Variants in DPP6 observed in about 807,000 individuals in gnomAD.
DPP6 encodes dipeptidyl peptidase like 6.
DPP6 carries 69 observed loss-of-function variants against 122.6 expected under a neutral mutation model. The observed-to-expected ratio is 0.56, with a 90% CI of 0.46 to 0.69. DPP6 has a LOEUF of 0.69. Among genes scored for constraint, DPP6 ranks in the 30% least tolerant of loss-of-function variants. The pLI, the probability that DPP6 is intolerant of heterozygous loss-of-function variation, is 0.00. For missense variants in DPP6, 928 were observed against 1,116.9 expected, an observed-to-expected ratio of 0.83 and a Z score of 2.41; for synonymous variants, 418 against 433.1, an observed-to-expected ratio of 0.97 and a Z score of 0.43.
At chr7:154,869,081 G>A (rs548335803) in intron 18 of DPP6, among the ~76,000 whole-genome samples, 32 of 152,334 alleles carry the variant, frequency 2.1e-4, no homozygotes, top group Non-Finnish European at 4.0e-4. Context: ...GGTTTCCAGA[G>A]CTCGGCGGAA....
At chr7:154,593,480 T>C (rs940993704) in intron 5 of DPP6, among the ~76,000 whole-genome samples, 6 of 152,248 alleles carry the variant, frequency 3.9e-5, no homozygotes, top group African/African-American at 1.4e-4. Context: ...TGAATTGGCC[T>C]CACTTGGATG....
intron 10 of DPP6, among the ~76,000 whole-genome samples, chr7:154,780,974 A>G (rs977414358): frequency 2.0e-4 from 31 of 151,976 alleles, no homozygotes; most frequent in African/African-American, 7.5e-4. Context: ...GTGGATGAAT[A>G]GATGGATGGT....
chr7:154,581,791 G>T (rs1832087351), intron 5 of DPP6, among the ~76,000 whole-genome samples: 1 of 152,224 alleles, frequency 6.6e-6, no homozygotes, highest in Non-Finnish European at 1.5e-5. Flanking sequence ...CTTGTGTATT[G>T]TGCGCGGCCA....
chr7:154,525,008 C>G (rs1324025271), intron 3 of DPP6, among the ~76,000 whole-genome samples: 1 of 152,120 alleles, frequency 6.6e-6, no homozygotes, highest in Non-Finnish European at 1.5e-5. Flanking sequence ...ATCTGGGTGT[C>G]TAGGATAATC....
chr7:154,296,120 T>A (rs534069065), intron 1 of DPP6, among the ~76,000 whole-genome samples: 2 of 151,980 alleles, frequency 1.3e-5, no homozygotes, highest in East Asian at 3.9e-4. Flanking sequence ...ATTTTTTGTA[T>A]TTTTTAGTAA....
chr7:154,049,075 A>G (rs1194314485), upstream of DPP6, among the ~76,000 whole-genome samples: 1 of 151,240 alleles, frequency 6.6e-6, no homozygotes, highest in Non-Finnish European at 1.5e-5. Flanking sequence ...GCAGCATGGA[A>G]GAATTAAACT....
chr7:154,212,495 G>C (rs1799793124), intron 1 of DPP6, among the ~76,000 whole-genome samples: 1 of 152,290 alleles, frequency 6.6e-6, no homozygotes, highest in African/African-American at 2.4e-5. Context: ...GCAACCCAGG[G>C]AGAGGGCAGG....
At chr7:154,270,655 T>C (rs552920302) in intron 1 of DPP6, among the ~76,000 whole-genome samples, 1 of 152,276 alleles carries the variant, frequency 6.6e-6, no homozygotes, top group Admixed American at 6.5e-5. Context: ...GCAAAGTGTG[T>C]ACTAAGGCAT....
At chr7:154,331,737 G>A (rs766845220) in intron 1 of DPP6, among the ~76,000 whole-genome samples, 2 of 152,178 alleles carry the variant, frequency 1.3e-5, no homozygotes, top group Non-Finnish European at 1.5e-5. Flanking sequence ...CATCCACACA[G>A]CAGGTGTGGC....
At chr7:154,067,378 G>A (rs1802805127) in intron 1 of DPP6, among the ~76,000 whole-genome samples, 1 of 148,340 alleles carries the variant, frequency 6.7e-6, no homozygotes. Flanking sequence ...TGATTAGGAT[G>A]ATTCTTGAAG....
chr7:154,435,582 G>A (rs1384958390), intron 1 of DPP6, among the ~76,000 whole-genome samples: 1 of 152,238 alleles, frequency 6.6e-6, no homozygotes, highest in Non-Finnish European at 1.5e-5. Context: ...AGACGGGGAT[G>A]TGCACCCCCC....
intron 8 of DPP6, among the ~76,000 whole-genome samples, chr7:154,745,718 T>G (rs1371997611): frequency 6.6e-6 from 1 of 152,176 alleles, no homozygotes; most frequent in African/African-American, 2.4e-5. Context: ...GATCACATAG[T>G]GAGAGAGAAA....
At chr7:154,696,678 C>T (rs1446674332) in intron 7 of DPP6, among the ~76,000 whole-genome samples, 4 of 152,220 alleles carry the variant, frequency 2.6e-5, no homozygotes, top group Non-Finnish European at 5.9e-5. Context: ...CTGTCTGTGC[C>T]TCATTTTCCT....
upstream of DPP6, among the ~76,000 whole-genome samples, chr7:154,052,128 C>T (rs1390632918): frequency 6.6e-6 from 1 of 151,258 alleles, no homozygotes; most frequent in Non-Finnish European, 1.5e-5. This position sits in a 1 kb window ranked among gnomAD's most constrained non-coding sequence, Gnocchi z 4.8. Context: ...ACTCGCAGCA[C>T]TACCTTCGGT....
At chr7:153,884,635 C>T (rs1798842702), upstream of DPP6, among the ~76,000 whole-genome samples, 1 of 152,148 alleles carries the variant, frequency 6.6e-6, no homozygotes, top group African/African-American at 2.4e-5. Context: ...GATTCCACTT[C>T]TGATTTCCAG....
At chr7:154,643,907 G>C (rs898203737) in intron 6 of DPP6, among the ~76,000 whole-genome samples, 9 of 152,184 alleles carry the variant, frequency 5.9e-5, no homozygotes, top group African/African-American at 2.2e-4. Context: ...TGACAGGAGG[G>C]AGATACTCCA....
intron 3 of DPP6, among the ~76,000 whole-genome samples, chr7:154,513,448 G>C (rs989766052): frequency 2.0e-5 from 3 of 152,108 alleles, no homozygotes; most frequent in East Asian, 1.9e-4. Context: ...TCTTTTATTG[G>C]TGTGGGACAA....
chr7:154,754,752 T>C (rs1300812963), intron 8 of DPP6, among the ~76,000 whole-genome samples: 2 of 152,162 alleles, frequency 1.3e-5, no homozygotes, highest in Non-Finnish European at 2.9e-5. Flanking sequence ...ATAGACTGGA[T>C]ACAGGAAATG....
chr7:154,803,436 C>T (rs956193207), intron 13 of DPP6, among the ~76,000 whole-genome samples: 2 of 152,186 alleles, frequency 1.3e-5, no homozygotes, highest in African/African-American at 2.4e-5. Flanking sequence ...TCCGTTTATT[C>T]TTCTCTCTTT....
Sources: allele counts gnomAD v4.1 joint callset (sites outside exome capture counted in the v4.1 genomes callset), GRCh38; gene constraint gnomAD v4.1.1; non-coding constraint Gnocchi (gnomAD v3.1); transcripts MANE v1.5; gene names NCBI Gene and HGNC (gene_info 2026-07-23, HGNC 2026-07-21).